FSTL5: variants seen among roughly 807,000 people sequenced by gnomAD.
FSTL5 encodes follistatin like 5.
Under a neutral mutation model 89.1 loss-of-function variants are expected in FSTL5, and 62 were observed. That is an observed-to-expected ratio of 0.70 (90% CI 0.57 to 0.86). The LOEUF (loss-of-function observed/expected upper bound fraction) is 0.86, where lower values mean the gene tolerates loss of function less well. Ranked by LOEUF, FSTL5 falls within the 40% of genes least tolerant of loss-of-function variation. The probability of loss-of-function intolerance (pLI) is 0.00; values close to 1 mark genes in which losing one functional copy is unlikely to be tolerated. For synonymous variants in FSTL5, 383 were observed against 346.2 expected, an observed-to-expected ratio of 1.11 and a Z score of -1.18; for missense variants, 1,057 against 1,001.6, an observed-to-expected ratio of 1.06 and a Z score of -0.75.
At chr4:161,882,825 C>A (rs1732675755) in intron 4 of FSTL5, among the ~76,000 whole-genome samples, 1 of 151,988 alleles carries the variant, frequency 6.6e-6, no homozygotes, top group African/African-American at 2.4e-5. Flanking sequence ...AACCACAGAC[C>A]CCTTACATAG....
intron 7 of FSTL5, among the ~76,000 whole-genome samples, chr4:161,646,747 T>A (rs1267541436): frequency 1.3e-5 from 2 of 152,166 alleles, no homozygotes; most frequent in Non-Finnish European, 2.9e-5. Flanking sequence ...TAAATATAGA[T>A]CAACTGTATA....
chr4:162,142,214 C>A lies in FSTL5; in HGVS notation c.-17+21401G>T, dbSNP rs1732774922. 2.0e-5 allele frequency among the ~76,000 whole-genome samples: 3 copies of A among 151,870 alleles called. No homozygotes were observed. The South Asian group carries it at 6.2e-4, about 32-fold the overall frequency. On this transcript the variant is annotated intron_variant, in intron 1 of 15. Coordinates refer to ENST00000306100, the MANE Select transcript of FSTL5 (RefSeq NM_020116.5). ...TGCAGAGAAAATTGAGTTGATGTGG[C>A]CTGAGGGTCAGGAGGAAATGAGAGT... is the stretch of plus-strand genomic sequence containing the variant.
chr4:161,966,154 T>C (rs572710676), intron 3 of FSTL5, among the ~76,000 whole-genome samples: 2 of 152,250 alleles, frequency 1.3e-5, no homozygotes, highest in Non-Finnish European at 2.9e-5. Context: ...GTATATTGTT[T>C]AATTCATTGT....
chr4:162,023,046 T>C (rs1737149454), intron 3 of FSTL5: 1 of 152,146 alleles, frequency 6.6e-6, no homozygotes, highest in African/African-American at 2.4e-5. Context: ...TCTGTGCCTG[T>C]AACGAAACTA....
chr4:161,512,023 A>C (rs978007623), intron 10 of FSTL5, among the ~76,000 whole-genome samples: 1 of 152,088 alleles, frequency 6.6e-6, no homozygotes, highest in African/African-American at 2.4e-5. Flanking sequence ...TATTGAGGGA[A>C]TGTGTCAAGT....
At chr4:161,966,083 G>T (rs1000235791) in intron 3 of FSTL5, among the ~76,000 whole-genome samples, 2 of 152,064 alleles carry the variant, frequency 1.3e-5, no homozygotes, top group African/African-American at 4.8e-5. Flanking sequence ...TTGCCACAAA[G>T]ACAACTTGGC....
intron 2 of FSTL5, among the ~76,000 whole-genome samples, chr4:162,104,805 A>G (rs1243792859): frequency 6.6e-6 from 1 of 152,186 alleles, no homozygotes; most frequent in Non-Finnish European, 1.5e-5. Flanking sequence ...ACCTTTCACA[A>G]TTCTTGATAT....
rs1012656390 is a variant in FSTL5, at chr4:161,656,384, T to C, written c.838A>G (p.Ile280Val). The change falls in exon 7 of 16, where the codon ATT (isoleucine) becomes GTT (valine). Residue 280 changes from isoleucine to valine, a missense_variant. Coordinates refer to ENST00000306100, the MANE Select transcript of FSTL5 (RefSeq NM_020116.5). ...CAIQGTLRPP[I>V]IWKRNNIILN... The stretch of plus-strand genomic sequence containing the variant: ...ATAATATTGTTCCTTTTCCAGATAA[T>C]GGGAGGTCTCAGGGTTCCTTGAATG... 1.2e-6 allele frequency: 2 copies of C among 1,607,176 alleles called. No homozygotes were observed. The highest frequency in any genetic ancestry group is 1.7e-5 in the Admixed American group (1 of 59,714).
chr4:161,933,377 G>GA (rs2110901011), intron 3 of FSTL5, among the ~76,000 whole-genome samples: 1 of 152,120 alleles, frequency 6.6e-6, no homozygotes, highest in African/African-American at 2.4e-5. Context: ...AGTCTCTACA[G>GA]AAAAATAATC....
chr4:161,885,053 G>T (rs191493142), intron 4 of FSTL5, among the ~76,000 whole-genome samples: 23 of 152,130 alleles, frequency 1.5e-4, no homozygotes, highest in African/African-American at 5.5e-4. Flanking sequence ...TCCCCAAAAT[G>T]ATCAAAGTAA....
At chr4:161,679,077 G>A (rs940879848) in intron 6 of FSTL5, among the ~76,000 whole-genome samples, 7 of 151,576 alleles carry the variant, frequency 4.6e-5, no homozygotes, top group African/African-American at 1.5e-4. Context: ...CTATTTTATT[G>A]ATGGAGAATT....
chr4:161,667,853 C>T (rs1736957001), intron 6 of FSTL5, among the ~76,000 whole-genome samples: 2 of 151,850 alleles, frequency 1.3e-5, no homozygotes, highest in South Asian at 4.1e-4. Flanking sequence ...TCAAGTCCTT[C>T]ATTTAATAGG....
At chr4:161,767,370 G>A (rs1741049530) in intron 5 of FSTL5, among the ~76,000 whole-genome samples, 1 of 152,170 alleles carries the variant, frequency 6.6e-6, no homozygotes, top group African/African-American at 2.4e-5. Context: ...TCAAGTTTGT[G>A]ACATTCTTTC....
In FSTL5 at chr4:161,753,338, C is replaced by T. The variant is rs189499101; in HGVS notation, c.727+6073G>A. On this transcript the variant is annotated intron_variant, in intron 6 of 15. Coordinates refer to ENST00000306100, the MANE Select transcript of FSTL5 (RefSeq NM_020116.5). ...TTTAATAAACAGAAACACCATTCAC[C>T]TTAGTAGGCAAGCTAGAAATTTGGG... 2.1e-3 allele frequency among the ~76,000 whole-genome samples: 323 copies of T among 152,248 alleles called. 4 individuals carry two copies. The highest frequency in any genetic ancestry group is 7.6e-3 in the African/African-American group (314 of 41,536).
At chr4:161,640,297 T>C (rs979516807) in intron 7 of FSTL5, among the ~76,000 whole-genome samples, 1 of 152,102 alleles carries the variant, frequency 6.6e-6, no homozygotes, top group Non-Finnish European at 1.5e-5. Context: ...GCCTGGCCCA[T>C]TCAAAGGAAA....
chr4:162,022,536 C>T (rs757392684), intron 3 of FSTL5, among the ~76,000 whole-genome samples: 3 of 151,974 alleles, frequency 2.0e-5, no homozygotes, highest in East Asian at 1.9e-4. Context: ...AAAAATAAAA[C>T]GTAATGGTAC....
intron 3 of FSTL5, among the ~76,000 whole-genome samples, chr4:161,968,658 A>C (rs1735391950): frequency 6.6e-6 from 1 of 152,040 alleles, no homozygotes; most frequent in Non-Finnish European, 1.5e-5. Flanking sequence ...GATATATTTT[A>C]ATCTCCTCAA....
At chr4:161,916,875 T>C (rs1025473039) in intron 4 of FSTL5, among the ~76,000 whole-genome samples, 13 of 152,170 alleles carry the variant, frequency 8.5e-5, no homozygotes, top group Admixed American at 3.9e-4. Context: ...ATGTAGATGA[T>C]TTAACATGGA....
At chr4:162,075,466 G>A (rs1350567966) in intron 2 of FSTL5, among the ~76,000 whole-genome samples, 1 of 151,800 alleles carries the variant, frequency 6.6e-6, no homozygotes, top group Non-Finnish European at 1.5e-5. Flanking sequence ...ATGATGATCT[G>A]AGGCAGATGT....
Sources: gnomAD v4.1 joint callset for allele counts (sites outside exome capture counted in the v4.1 genomes callset) on GRCh38, gnomAD v4.1.1 for gene constraint, MANE v1.5 for transcripts, NCBI Gene and HGNC (gene_info 2026-07-23, HGNC 2026-07-21) for gene names.